Variants in GAS6 observed in about 807,000 individuals in gnomAD.
GAS6 encodes growth arrest specific 6, also known as growth arrest-specific protein 6.
In GAS6, 41 loss-of-function variants were observed where a neutral mutation model predicts 75.8. That is an observed-to-expected ratio of 0.54 (90% CI 0.42 to 0.70). GAS6 has a LOEUF of 0.70. Ranked by LOEUF, GAS6 falls within the 30% of genes least tolerant of loss-of-function variation. The probability of loss-of-function intolerance (pLI) is 0.00; values close to 1 mark genes in which losing one functional copy is unlikely to be tolerated. For missense variants in GAS6, 854 were observed against 940.2 expected (o/e 0.91, Z 1.20); for synonymous variants, 432 against 412.6 (o/e 1.05, Z -0.57).
intron 2 of GAS6, among the ~76,000 whole-genome samples, chr13:113,856,349 G>A (rs2051914107): frequency 6.6e-6 from 1 of 152,122 alleles, no homozygotes; most frequent in South Asian, 2.1e-4. Context: ...CAGAGTGTGG[G>A]GCTCAAATGC....
In GAS6 at chr13:113,842,462, G is replaced by A. The variant is rs189542607; in HGVS notation, c.344-2612C>T. 2.2e-4 allele frequency: 86 copies of A among 395,642 alleles called. 5 individuals are homozygous for A. Among genetic ancestry groups the A allele is most frequent in the African/African-American group, 1.7e-3 (78 of 47,194 alleles). The allele number at this position is 395,642 out of a possible 1,614,324, so 24.5% of individuals were successfully genotyped here. A position where few individuals can be genotyped will look rare whatever the true frequency, so the allele number is the denominator to read the frequency against. The stretch of plus-strand genomic sequence containing the variant: ...AGCACAGCCGCCAGGAGCCGGCCGG[G>A]GCCCCATCCCTGACACTGCTGTCGC... On this transcript the variant is annotated intron_variant, in intron 4 of 14. Transcript: ENST00000327773.
rs571029386 is a variant in GAS6 at position 113,823,487 on chromosome 13, C to T, written c.1541G>A (p.Arg514His). Residue 514 changes from arginine to histidine, a missense_variant, in exon 13 of 15, where the codon CGC becomes CAC. Transcript: ENST00000327773. ...TWEVEVVAHI[R>H]PAADTGVLFA... ...CAGCACGCCTGTGTCTGCGGCTGGG[C>T]GGATGTGAGCCACGACTTCTACTTC... 1.6e-5 allele frequency: 26 copies of T among 1,612,712 alleles called. No homozygotes were observed. The highest frequency in any genetic ancestry group is 9.9e-5 in the South Asian group (9 of 91,056).
At chr13:113,860,706 G>A (rs1281150288) in intron 2 of GAS6, among the ~76,000 whole-genome samples, 2 of 152,166 alleles carry the variant, frequency 1.3e-5, no homozygotes, top group Admixed American at 6.5e-5. Flanking sequence ...GCGGTGGAGA[G>A]CAAGGAGGCA....
At chr13:113,827,731 G>A (rs777650839) in intron 11 of GAS6, among the ~76,000 whole-genome samples, 10 of 152,190 alleles carry the variant, frequency 6.6e-5, no homozygotes, top group East Asian at 1.9e-4. Context: ...GAAGACATGC[G>A]TGCCTTTCTC....
At chr13:113,834,527 C>T (rs750732180) in intron 8 of GAS6, 24 bp downstream of exon 8, 22 of 1,518,306 alleles carry the variant, frequency 1.4e-5, no homozygotes, top group African/African-American at 2.8e-5. Context: ...CCGTGAAGGG[C>T]CCGCGGGGCC....
chr13:113,826,770 A>G (rs547115589), intron 12 of GAS6, among the ~76,000 whole-genome samples: 297 of 151,574 alleles, frequency 2.0e-3, no homozygotes, highest in Non-Finnish European at 3.7e-3. Flanking sequence ...CATCTCTCTC[A>G]TTTCTTCTTC....
chr13:113,848,113 CAT>C lies in GAS6; in HGVS notation c.256-65_256-64del. ...GCACACTACGAGGGTCTCTGAACAA[CAT>C]AAGCATCAGCTGGTTAATCAGAGGC... On this transcript the variant is annotated intron_variant, in intron 2 of 14. Coordinates refer to ENST00000327773, the MANE Select transcript of GAS6 (RefSeq NM_000820.4). The surrounding 1 kb of genome is among the most constrained non-coding windows in gnomAD (Gnocchi z 4.8). The C allele has an allele frequency of 1.9e-6, 3 of 1,552,700 alleles. No homozygotes were observed. The highest frequency in any genetic ancestry group is 2.6e-6 in the Non-Finnish European group (3 of 1,135,888).
chr13:113,839,776 A>T lies in GAS6; in HGVS notation c.418T>A (p.Phe140Ile). Residue 140 changes from phenylalanine (F) to isoleucine (I), a missense_variant, in exon 5 of 15, where the codon TTC (phenylalanine) becomes ATC (isoleucine). Physicochemically the swap from Phe to Ile is conservative, Grantham distance 21. Coordinates refer to ENST00000327773, the MANE Select transcript of GAS6 (RefSeq NM_000820.4). ...TQACQDLMGNFFCLCKAGWGG... is the reference protein window; with the variant it reads ...TQACQDLMGNIFCLCKAGWGG... Reference sequence around the variant, plus strand: ...CAGCCAGCTTTACACAGGCAGAAGAAGTTGCCCATGAGGTCCTGGCAGGCT... The same window carrying T: ...CAGCCAGCTTTACACAGGCAGAAGATGTTGCCCATGAGGTCCTGGCAGGCT... 1.2e-6 allele frequency: 2 copies of T among 1,614,042 alleles called. No individual in the cohort carries two copies. Among genetic ancestry groups the T allele is most frequent in the Non-Finnish European group, 1.7e-6 (2 of 1,180,014 alleles).
intron 6 of GAS6, 42 bp downstream of exon 6, chr13:113,838,027 G>T: frequency 6.2e-7 from 1 of 1,606,044 alleles, no homozygotes; most frequent in Non-Finnish European, 8.5e-7. Context: ...AATAGAAGGT[G>T]GGGAGAGGAG....
chr13:113,825,132 C>G (rs1409762647), intron 12 of GAS6, among the ~76,000 whole-genome samples: 1 of 148,740 alleles, frequency 6.7e-6, no homozygotes, highest in African/African-American at 2.5e-5. Context: ...GCAGGAGAAT[C>G]GCTTGAACCT....
chr13:113,831,812 C>T (rs1389180039), intron 10 of GAS6, among the ~76,000 whole-genome samples: 2 of 67,536 alleles, frequency 3.0e-5, no homozygotes, highest in Admixed American at 2.7e-4. Flanking sequence ...ATGAACTAAA[C>T]GGGGCAGGGG....
At chr13:113,821,707 T>A in intron 14 of GAS6, 1 of 504,622 alleles carries the variant, frequency 2.0e-6, no homozygotes, top group South Asian at 3.4e-5. Context: ...AAGATGCAGG[T>A]TCGTGGGGCC....
chr13:113,862,961 C>T (rs1412514540), intron 2 of GAS6, among the ~76,000 whole-genome samples: 2 of 152,066 alleles, frequency 1.3e-5, no homozygotes, highest in African/African-American at 4.8e-5. Context: ...GCCCCGGGCG[C>T]CCCGCCTTCT....
chr13:113,821,404 T>C (rs956621386), intron 14 of GAS6: 5 of 243,802 alleles, frequency 2.1e-5, no homozygotes, highest in Non-Finnish European at 4.0e-5. Flanking sequence ...AGAGAAATCC[T>C]GCCGTTTGCC....
In GAS6 at chr13:113,839,750, C is replaced by G. The variant is rs559031810; in HGVS notation, c.444G>C (p.Trp148Cys). 13 of 1,613,950 alleles carry G rather than the reference C, an allele frequency of 8.1e-6. No homozygotes were observed. The highest frequency in any genetic ancestry group is 4.0e-5 in the African/African-American group (3 of 75,056). The part of the protein sequence containing the change: ...GNFFCLCKAG[W>C]GGRLCDKDVN... ...TACCTTTGTCGCAGAGCCGGCCCCC[C>G]CAGCCAGCTTTACACAGGCAGAAGA... Residue 148 changes from tryptophan to cysteine, a missense_variant, in exon 5 of 15, where the codon TGG (tryptophan) becomes TGC (cysteine). By Grantham distance (215) the Trp-to-Cys change is radical. Coordinates refer to ENST00000327773, the MANE Select transcript of GAS6 (RefSeq NM_000820.4).
At chr13:113,847,960 A>G (rs1212048081) in intron 3 of GAS6, 66 bp downstream of exon 3, 5 of 1,442,252 alleles carry the variant, frequency 3.5e-6, no homozygotes, top group Admixed American at 3.4e-5. Flanking sequence ...GATTCCTCCA[A>G]CATGAAACAC....
rs1442391046 is a variant in GAS6, at chr13:113,845,455, T to A, written c.343+1072A>T. 1 of 150,156 alleles carries A rather than the reference T, an allele frequency of 6.7e-6. No homozygotes were observed. Among genetic ancestry groups the A allele is most frequent in the Non-Finnish European group, 1.5e-5 (1 of 67,984 alleles). The allele number at this position is 150,156 out of a possible 1,614,324, so 9.3% of individuals were successfully genotyped here. On this transcript the variant is annotated intron_variant, in intron 4 of 14. Coordinates refer to ENST00000327773, the MANE Select transcript of GAS6 (RefSeq NM_000820.4). The surrounding 1 kb of genome is among the most constrained non-coding windows in gnomAD (Gnocchi z 4.3). ...ACTTTCATCTAAAACTAGACACACGTGACGCCAGCGGACCACAGACCCAGT... is the reference window on the plus strand; with the variant it reads ...ACTTTCATCTAAAACTAGACACACGAGACGCCAGCGGACCACAGACCCAGT...
intron 2 of GAS6, among the ~76,000 whole-genome samples, chr13:113,862,472 T>G (rs551068558): frequency 6.6e-6 from 1 of 152,004 alleles, no homozygotes; most frequent in East Asian, 1.9e-4. Context: ...GATTCATCAT[T>G]AAAGAAACAG....
At chr13:113,841,744 G>GCCCAGTTTCCTCCATACGCCC (rs2051782658) in intron 4 of GAS6, 1 of 53,424 alleles carries the variant, frequency 1.9e-5, no homozygotes, top group Non-Finnish European at 3.1e-5. Context: ...TCCTCCATAT[G>GCCCAGTTTCCTCCATACGCCC]CCCAGTTTCC....
Sources: allele counts gnomAD v4.1 joint callset (sites outside exome capture counted in the v4.1 genomes callset), GRCh38; gene constraint gnomAD v4.1.1; non-coding constraint Gnocchi (gnomAD v3.1); transcripts MANE v1.5; gene names NCBI Gene and HGNC (gene_info 2026-07-23, HGNC 2026-07-21).